GNG2: variants seen among roughly 807,000 people sequenced by gnomAD.
The protein encoded by GNG2 is guanine nucleotide-binding protein G(I)/G(S)/G(O) subunit gamma-2.
A neutral mutation model predicts 5.5 loss-of-function variants in GNG2; 5 were observed. The ratio of observed to expected loss-of-function variants is 0.91; its 90% CI spans 0.48 to 1.92. The LOEUF is 1.92. Among genes scored for constraint, GNG2 ranks in the 30% most tolerant of loss-of-function variants. GNG2 has a pLI of 0.01. For missense variants in GNG2, 55 were observed against 88.4 expected (o/e 0.62, Z 1.52); for synonymous variants, 28 against 32.0 (o/e 0.88, Z 0.42).
chr14:51,946,416 A>G (rs1303692277), intron 2 of GNG2, among the ~76,000 whole-genome samples: 1 of 152,260 alleles, frequency 6.6e-6, no homozygotes, highest in African/African-American at 2.4e-5. Context: ...ATTCCAATGA[A>G]TATATAGATG....
chr14:51,935,543 TG>T (rs1566698217), intron 2 of GNG2, among the ~76,000 whole-genome samples: 2 of 152,128 alleles, frequency 1.3e-5, no homozygotes, highest in African/African-American at 4.8e-5. Flanking sequence ...GCTCCCAATT[TG>T]GGGGGATGGC....
Position 51,966,682 on chromosome 14 carries a change from C to A in GNG2, c.211C>A (p.Leu71Ile). ...FREKKFFCAIL is the reference protein window; with the variant it reads ...FREKKFFCAII ...GGAGAAGAAGTTTTTCTGTGCCATC[C>A]TTTAAGTCTTTGAGAGGGGCCTGAA... Residue 71 changes from leucine (L) to isoleucine (I), a missense_variant, in exon 4 of 4, where the codon CTT (leucine) becomes ATT (isoleucine). Transcript: ENST00000556766. 6.2e-7 allele frequency: 1 copy of A among 1,613,760 alleles called. No individual in the cohort carries two copies. The highest frequency in any genetic ancestry group is 1.1e-5 in the South Asian group (1 of 91,064).
chr14:51,833,411 A>G (rs1412111763), intron 2 of GNG2, among the ~76,000 whole-genome samples: 2 of 152,174 alleles, frequency 1.3e-5, no homozygotes, highest in Admixed American at 6.5e-5. Flanking sequence ...GGTGTCTGCT[A>G]GTTCATCTAG....
Position 51,827,723 on chromosome 14 carries a change from C to T in GNG2, c.-21C>T, listed in dbSNP as rs1329126327. ...GAGCTGGGTGATTCCTGAGCCCAAC[C>T]TGTGCCTCTGGTCTAGGGGCATGCA... is the stretch of plus-strand genomic sequence containing the variant. On this transcript the variant is annotated 5_prime_UTR_variant, in exon 2 of 4. Transcript: ENST00000553432. 3 of 702,262 alleles carry T rather than the reference C, an allele frequency of 4.3e-6. No individual in the cohort carries two copies. The South Asian group carries it at 4.4e-5, about 10-fold the overall frequency. The allele number at this position is 702,262 out of a possible 1,614,324, so 43.5% of individuals were successfully genotyped here.
chr14:51,857,174 TACTC>T (rs1594841700), upstream of GNG2, among the ~76,000 whole-genome samples: 2 of 152,308 alleles, frequency 1.3e-5, no homozygotes, highest in East Asian at 3.9e-4. Context: ...GCACCAGTCA[TACTC>T]ACAGAAAAGG....
At chr14:51,878,030 T>G in intron 2 of GNG2, 1 of 175,900 alleles carries the variant, frequency 5.7e-6, no homozygotes, top group Non-Finnish European at 1.2e-5. Context: ...CAGGGAAAGG[T>G]AAACCCTGTT....
chr14:51,861,465 CAGAT>C (rs1882475501), intron 1 of GNG2: 1 of 152,186 alleles, frequency 6.6e-6, no homozygotes, highest in African/African-American at 2.4e-5. Context: ...TGTCCAGAAT[CAGAT>C]ACTAGCATAT....
chr14:51,846,112 T>C (rs1397621986), intron 2 of GNG2, among the ~76,000 whole-genome samples: 1 of 152,206 alleles, frequency 6.6e-6, no homozygotes. Context: ...GTTTTTAAAA[T>C]GTATAAACCA....
upstream of GNG2, among the ~76,000 whole-genome samples, chr14:51,859,177 C>A (rs1882302643): frequency 2.6e-5 from 4 of 152,160 alleles, no homozygotes; most frequent in South Asian, 8.3e-4. Flanking sequence ...GCAAGATTAG[C>A]TTTCCAGGCA....
At chr14:51,865,849 G>T (rs1045229028) in intron 1 of GNG2, among the ~76,000 whole-genome samples, 5 of 152,126 alleles carry the variant, frequency 3.3e-5, no homozygotes, top group Non-Finnish European at 5.9e-5. Flanking sequence ...AGAGATATCT[G>T]TAAATATATG....
In GNG2 at chr14:51,944,172, G is replaced by A. The variant is rs566183021; in HGVS notation, c.-29-6478G>A. ...TATGGTCAAATGATTTTTGAGAAGG[G>A]TGCCAAGACAATTTGTCTGACTCAA... On this transcript the variant is annotated intron_variant, in intron 2 of 3. Transcript: ENST00000556766. Among the ~76,000 whole-genome samples the A allele has an allele frequency of 1.9e-4, 29 of 152,160 alleles. No homozygotes were observed. The South Asian group carries it at 4.8e-3, about 25-fold the overall frequency.
rs1209147244 is a variant in GNG2, at chr14:51,969,477, C to T, written c.*2790C>T. The T allele has an allele frequency of 6.6e-6, 1 of 152,116 alleles. No individual in the cohort carries two copies. The highest frequency in any genetic ancestry group is 1.5e-5 in the Non-Finnish European group (1 of 68,028). The allele number at this position is 152,116 out of a possible 1,614,324, so 9.4% of individuals were successfully genotyped here. On this transcript the variant is annotated 3_prime_UTR_variant, in exon 4 of 4. Coordinates refer to ENST00000556766, the MANE Select transcript of GNG2 (RefSeq NM_053064.5). ...CAAAACAATAAATTTAAAAATCAAA[C>T]GATTTCTCCATACGCTCATAGTCAC... is the stretch of plus-strand genomic sequence containing the variant.
intron 2 of GNG2, among the ~76,000 whole-genome samples, chr14:51,937,118 C>T (rs192447451): frequency 2.5e-3 from 381 of 152,254 alleles, no homozygotes; most frequent in Non-Finnish European, 3.3e-3. Context: ...CATTTTCCCT[C>T]TACTCCTTAT....
intron 1 of GNG2, among the ~76,000 whole-genome samples, chr14:51,876,467 T>G (rs1386168192): frequency 1.3e-5 from 2 of 152,024 alleles, no homozygotes; most frequent in African/African-American, 2.4e-5. Flanking sequence ...CTTTCCAGAG[T>G]AGTTGTGCCA....
chr14:51,948,160 G>A (rs916077043), intron 2 of GNG2, among the ~76,000 whole-genome samples: 8 of 152,210 alleles, frequency 5.3e-5, no homozygotes, highest in African/African-American at 1.4e-4. Flanking sequence ...ACTTAGTCAT[G>A]TAACTATACC....
intron 1 of GNG2, among the ~76,000 whole-genome samples, chr14:51,874,924 C>G (rs1883556655): frequency 6.6e-6 from 1 of 152,076 alleles, no homozygotes; most frequent in South Asian, 2.1e-4. Context: ...ATTTTCTTAA[C>G]ATTAGTAAAC....
intron 1 of GNG2, chr14:51,827,619 G>A: frequency 1.5e-6 from 1 of 679,814 alleles, no homozygotes; most frequent in South Asian, 1.6e-5. Context: ...AATTAAAGCT[G>A]TGATTAGTGT....
intron 1 of GNG2, among the ~76,000 whole-genome samples, chr14:51,870,154 A>G (rs897932365): frequency 6.6e-6 from 1 of 152,182 alleles, no homozygotes; most frequent in African/African-American, 2.4e-5. Flanking sequence ...CAAAGTTTCC[A>G]TGCATTTCCC....
intron 2 of GNG2, among the ~76,000 whole-genome samples, chr14:51,928,080 G>A (rs188271716): frequency 1.1e-3 from 148 of 130,668 alleles, no homozygotes; most frequent in African/African-American, 4.1e-3. Flanking sequence ...ATCCAGGCTC[G>A]ACTGCAGTGG....
Sources: allele counts gnomAD v4.1 joint callset (sites outside exome capture counted in the v4.1 genomes callset), GRCh38; gene constraint gnomAD v4.1.1; transcripts MANE v1.5; gene names NCBI Gene and HGNC (gene_info 2026-07-23, HGNC 2026-07-21).